Variants in CC2D2B observed in about 807,000 individuals in gnomAD.
The protein encoded by CC2D2B is coiled-coil and C2 domain containing 2B, also known as protein CC2D2B.
CC2D2B carries 128 observed loss-of-function variants against 161.2 expected under a neutral mutation model. The observed-to-expected ratio is 0.79, with a 90% CI of 0.69 to 0.92. The LOEUF (loss-of-function observed/expected upper bound fraction) is 0.92, where lower values mean the gene tolerates loss of function less well. Among genes scored for constraint, CC2D2B ranks in the 40% least tolerant of loss-of-function variants. The pLI is 0.00. For missense variants in CC2D2B, 1,173 were observed against 1,375.1 expected (o/e 0.85, Z 2.32); for synonymous variants, 391 against 449.8 (o/e 0.87, Z 1.65).
At chr10:95,922,509 T>G (rs1229515087) in intron 3 of CC2D2B, among the ~76,000 whole-genome samples, 1 of 152,238 alleles carries the variant, frequency 6.6e-6, no homozygotes, top group East Asian at 1.9e-4. Flanking sequence ...AACCAACTAG[T>G]AATTTTTAAA....
intron 17 of CC2D2B, 55 bp from the exon 18 acceptor site, chr10:95,981,920 T>C: frequency 4.5e-6 from 4 of 884,354 alleles, no homozygotes; most frequent in Non-Finnish European, 6.0e-6. Flanking sequence ...GTATTATATA[T>C]AATACATATA....
chr10:96,029,063 A>G (rs1409960406), intron 34 of CC2D2B, among the ~76,000 whole-genome samples: 1 of 151,808 alleles, frequency 6.6e-6, no homozygotes, highest in Non-Finnish European at 1.5e-5. Flanking sequence ...ATAGCACAAC[A>G]GGGTAACTAT....
In CC2D2B at chr10:96,019,779, G is replaced by T. The variant is rs759759594; in HGVS notation, c.3843G>T (p.Gln1281His). The part of the protein sequence containing the change: ...FDYSKESFWK[Q>H]LLPKNVQGTK... ...ATTCAAAGGAAAGTTTCTGGAAGCA[G>T]TTGCTTCCAAAAAACGTTCAAGGAA... The change falls in exon 32 of 35, where the codon CAG becomes CAT. Residue 1281 changes from glutamine to histidine, a missense_variant. By Grantham distance (24) the Gln-to-His change is conservative. Around this residue, in one of 3 missense-constraint regions of CC2D2B, gnomAD observed 598 missense variants for 693.2 expected, o/e 0.86. Coordinates refer to ENST00000646931, the MANE Select transcript of CC2D2B (RefSeq NM_001349008.3). 3 of 1,602,282 alleles carry T rather than the reference G, an allele frequency of 1.9e-6. No individual in the cohort carries two copies. The highest frequency in any genetic ancestry group is 1.7e-6 in the Non-Finnish European group (2 of 1,176,086).
chr10:95,943,660 A>C (rs1229692223), intron 9 of CC2D2B, among the ~76,000 whole-genome samples: 3 of 152,076 alleles, frequency 2.0e-5, no homozygotes, highest in East Asian at 3.9e-4. Flanking sequence ...TGCTATTTTT[A>C]ATACAGTAAT....
At chr10:95,984,288 C>T (rs2077633319) in intron 19 of CC2D2B, among the ~76,000 whole-genome samples, 1 of 152,122 alleles carries the variant, frequency 6.6e-6, no homozygotes, top group Non-Finnish European at 1.5e-5. Context: ...TCAAATAAGG[C>T]TAGCTTTTCA....
chr10:96,011,558 T>G (rs1400003679), intron 26 of CC2D2B, among the ~76,000 whole-genome samples: 2 of 152,114 alleles, frequency 1.3e-5, no homozygotes, highest in Admixed American at 1.3e-4. Context: ...CTATTATGCA[T>G]TTTTTTGAGA....
intron 12 of CC2D2B, among the ~76,000 whole-genome samples, chr10:95,964,302 C>T (rs1049564427): frequency 6.6e-6 from 1 of 152,086 alleles, no homozygotes; most frequent in Non-Finnish European, 1.5e-5. Flanking sequence ...CTAAGTTACT[C>T]GTAACACTTA....
chr10:95,984,115 C>T lies in CC2D2B; in HGVS notation c.2286+306C>T, dbSNP rs185722387. 3.9e-5 allele frequency among the ~76,000 whole-genome samples: 6 copies of T among 152,118 alleles called. No individual in the cohort carries two copies. In the East Asian group the frequency reaches 7.7e-4, roughly 20 times the overall value. Reference sequence around the variant, plus strand: ...ATAAAATGTATCACCAATTTAAAAGCGGCTTTGGGAGTAAGGGGGAGAGAC... The same window carrying T: ...ATAAAATGTATCACCAATTTAAAAGTGGCTTTGGGAGTAAGGGGGAGAGAC... On this transcript the variant is annotated intron_variant, in intron 19 of 34. Transcript: ENST00000646931.
At chr10:96,006,347 T>G (rs2078748307) in intron 25 of CC2D2B, among the ~76,000 whole-genome samples, 1 of 148,572 alleles carries the variant, frequency 6.7e-6, no homozygotes, top group African/African-American at 2.4e-5. Flanking sequence ...ATTATATACA[T>G]AGAATTTATA....
intron 29 of CC2D2B, among the ~76,000 whole-genome samples, chr10:96,015,257 T>TTTTTTTTG (rs2079146454): frequency 8.2e-6 from 1 of 121,732 alleles, no homozygotes; most frequent in Non-Finnish European, 1.8e-5. Flanking sequence ...TTTTTGTATT[T>TTTTTTTTG]TAGCAGAGAT....
intron 2 of CC2D2B, chr10:95,920,101 C>T (rs1395704704): frequency 1.3e-5 from 2 of 152,106 alleles, no homozygotes; most frequent in Non-Finnish European, 2.9e-5. Flanking sequence ...GAAATGCCCA[C>T]CAAGACCTAA....
intron 14 of CC2D2B, among the ~76,000 whole-genome samples, chr10:95,968,066 A>G (rs980273983): frequency 6.6e-6 from 1 of 152,252 alleles, no homozygotes; most frequent in Admixed American, 6.5e-5. Flanking sequence ...GTTTTATATC[A>G]GTCAAGGGAT....
At chr10:95,913,362 A>T (rs1295414601) in intron 2 of CC2D2B, 2 of 376,030 alleles carry the variant, frequency 5.3e-6, no homozygotes, top group East Asian at 9.6e-5. Context: ...TTATCCATTT[A>T]TCTGTTGATG....
rs1042523398 is a variant in CC2D2B, at chr10:95,938,880, A to G, written c.756A>G (p.Val252=). 2 of 714,746 alleles carry G rather than the reference A, an allele frequency of 2.8e-6. No individual in the cohort carries two copies. The highest frequency in any genetic ancestry group is 3.5e-5 in the African/African-American group (2 of 57,202). The allele number at this position is 714,746 out of a possible 1,614,324, so 44.3% of individuals were successfully genotyped here. The change falls in exon 9 of 35, where the codon GTA becomes GTG. Residue 252 remains valine (V), a synonymous_variant. Coordinates refer to ENST00000646931, the MANE Select transcript of CC2D2B (RefSeq NM_001349008.3). ...AGTCATGGAATTTCAGACTAAATGT[A>G]AGGAAGGAACCTTTAAATCCATTAC... ...IKQSWNFRLN[V]RKEPLNPLLK...
chr10:95,956,209 A>G (rs943743478), intron 11 of CC2D2B, among the ~76,000 whole-genome samples: 1 of 152,172 alleles, frequency 6.6e-6, no homozygotes, highest in African/African-American at 2.4e-5. Flanking sequence ...CACAATTTTA[A>G]TCCTAGCTCA....
chr10:95,983,861 T>C, intron 19 of CC2D2B, 52 bp downstream of exon 19: 2 of 814,658 alleles, frequency 2.5e-6, no homozygotes, highest in Non-Finnish European at 3.3e-6. Flanking sequence ...GTTAACGTTT[T>C]GCTGCTTTAA....
chr10:96,027,419 A>T, intron 34 of CC2D2B, 30 bp downstream of exon 34: 2 of 1,453,040 alleles, frequency 1.4e-6, no homozygotes, highest in Non-Finnish European at 1.9e-6. Flanking sequence ...CATTAATGAC[A>T]TTTGTTTTAT....
At chr10:96,003,589 TGTG>T (rs1295375213) in intron 24 of CC2D2B, among the ~76,000 whole-genome samples, 5 of 105,954 alleles carry the variant, frequency 4.7e-5, no homozygotes, top group Non-Finnish European at 7.8e-5. Context: ...CGGCTAATTG[TGTG>T]TGTGTGTGTG....
At chr10:95,979,830 G>C (rs1366147115) in intron 17 of CC2D2B, among the ~76,000 whole-genome samples, 1 of 152,150 alleles carries the variant, frequency 6.6e-6, no homozygotes, top group Non-Finnish European at 1.5e-5. Context: ...AATGGATGGT[G>C]GTGATGGTTG....
Sources: gnomAD v4.1 joint callset for allele counts (sites outside exome capture counted in the v4.1 genomes callset) on GRCh38, gnomAD v4.1.1 for gene constraint, gnomAD v4.1.1 regional missense constraint, MANE v1.5 for transcripts, NCBI Gene and HGNC (gene_info 2026-07-23, HGNC 2026-07-21) for gene names.